Variants in ESRP1 observed in about 807,000 individuals in gnomAD.
The protein encoded by ESRP1 is RNA-binding motif protein 35A.
Under a neutral mutation model 81.7 loss-of-function variants are expected in ESRP1, and 33 were observed. The ratio of observed to expected loss-of-function variants is 0.40; its 90% CI spans 0.31 to 0.54. The LOEUF (loss-of-function observed/expected upper bound fraction) is 0.54, where lower values mean the gene tolerates loss of function less well. ESRP1 is among the 20% of genes least tolerant of loss of function. ESRP1 has a pLI of 0.41. For synonymous variants in ESRP1, 320 were observed against 303.3 expected, an observed-to-expected ratio of 1.06 and a Z score of -0.57; for missense variants, 672 against 833.1, an observed-to-expected ratio of 0.81 and a Z score of 2.38.
intron 13 of ESRP1, among the ~76,000 whole-genome samples, chr8:94,682,644 G>A (rs1258183310): frequency 1.3e-5 from 1 of 74,938 alleles, no homozygotes; most frequent in Non-Finnish European, 3.8e-5. Context: ...TGGGATTACA[G>A]GTGTGAGCCA....
intron 9 of ESRP1, among the ~76,000 whole-genome samples, chr8:94,665,531 A>T (rs1818975249): frequency 6.6e-6 from 1 of 152,182 alleles, no homozygotes; most frequent in African/African-American, 2.4e-5. Flanking sequence ...TCGCTCTGTC[A>T]CCCAAACTGG....
At chr8:94,650,656 A>G (rs1405209281) in intron 4 of ESRP1, among the ~76,000 whole-genome samples, 1 of 152,214 alleles carries the variant, frequency 6.6e-6, no homozygotes, top group Non-Finnish European at 1.5e-5. Flanking sequence ...TGCAAATATG[A>G]ATAGTGCTGT....
intron 14 of ESRP1, among the ~76,000 whole-genome samples, chr8:94,694,276 A>G (rs1036402059): frequency 1.7e-4 from 26 of 152,220 alleles, no homozygotes; most frequent in Admixed American, 1.3e-3. Context: ...CCTTACATAT[A>G]AATTAGTAAT....
intron 5 of ESRP1, 62 bp from the exon 6 acceptor site, chr8:94,662,439 T>G: frequency 6.4e-7 from 1 of 1,552,384 alleles, no homozygotes; most frequent in Non-Finnish European, 8.8e-7. Flanking sequence ...ATACTCAAAT[T>G]TCCTCCTACA....
chr8:94,651,266 A>G (rs1449295827), intron 4 of ESRP1, among the ~76,000 whole-genome samples: 4 of 134,508 alleles, frequency 3.0e-5, no homozygotes, highest in Non-Finnish European at 4.7e-5. Context: ...TTTTTTGGGC[A>G]AAGTCTCACT....
intron 4 of ESRP1, among the ~76,000 whole-genome samples, chr8:94,660,628 C>T (rs1315081047): frequency 7.1e-6 from 1 of 141,804 alleles, no homozygotes; most frequent in Admixed American, 7.5e-5. Context: ...ATTCCACCTG[C>T]TCGGGAGGCT....
intron 4 of ESRP1, among the ~76,000 whole-genome samples, chr8:94,652,239 C>T (rs370311379): frequency 6.6e-6 from 1 of 152,012 alleles, no homozygotes; most frequent in African/African-American, 2.4e-5. Context: ...CTGCCCTCCT[C>T]GGCTTCTCAA....
chr8:94,674,430 T>C lies in ESRP1; in HGVS notation c.1575T>C (p.Ala525=). Reference sequence around the variant, plus strand: ...ATGTTGAAGTCTTTCAGTGTTCAGCTGAGGAGATGAACTTTGTGTTAATGG... The same window carrying C: ...ATGTTGAAGTCTTTCAGTGTTCAGCCGAGGAGATGAACTTTGTGTTAATGG... ...DRYVEVFQCS[A]EEMNFVLMGG... Residue 525 remains alanine (A), a synonymous_variant, in exon 12 of 16, where the codon GCT becomes GCC. Transcript: ENST00000433389. The C allele has an allele frequency of 1.9e-6, 3 of 1,613,984 alleles. No individual in the cohort carries two copies. Among genetic ancestry groups the C allele is most frequent in the Non-Finnish European group, 2.5e-6 (3 of 1,179,886 alleles).
intron 13 of ESRP1, among the ~76,000 whole-genome samples, chr8:94,679,853 CCTT>C (rs1469727267): frequency 2.0e-5 from 3 of 151,974 alleles, no homozygotes; most frequent in African/African-American, 4.8e-5. Flanking sequence ...TCTAATCGTT[CCTT>C]CTTTCTTTTT....
chr8:94,665,022 A>C lies in ESRP1; in HGVS notation c.851A>C (p.Gln284Pro). ...VSEEHRDLALQRHKHHMGTRY... is the reference protein window; with the variant it reads ...VSEEHRDLALPRHKHHMGTRY... ...GAGGAGCACCGAGACCTAGCACTAC[A>C]GAGGCACAAACATCACATGGGGACC... Residue 284 changes from glutamine (Q) to proline (P), a missense_variant, in exon 8 of 16, where the codon CAG becomes CCG. Physicochemically the swap from Gln to Pro is moderately conservative, Grantham distance 76. Coordinates refer to ENST00000433389, the MANE Select transcript of ESRP1 (RefSeq NM_017697.4). 1.2e-6 allele frequency: 2 copies of C among 1,613,834 alleles called. No individual in the cohort carries two copies. Among genetic ancestry groups the C allele is most frequent in the Non-Finnish European group, 1.7e-6 (2 of 1,179,872 alleles).
chr8:94,675,150 A>T (rs763312470), intron 12 of ESRP1, among the ~76,000 whole-genome samples: 7 of 150,128 alleles, frequency 4.7e-5, no homozygotes, highest in Admixed American at 2.0e-4. Flanking sequence ...ATCCTATTTG[A>T]GGGGAATAAG....
intron 4 of ESRP1, among the ~76,000 whole-genome samples, chr8:94,654,007 G>A (rs549895732): frequency 3.3e-5 from 5 of 152,232 alleles, no homozygotes; most frequent in South Asian, 2.1e-4. Context: ...TGTTAATTAC[G>A]TGTGGTTTGT....
intron 1 of ESRP1, 138 bp from the exon 2 acceptor site, chr8:94,641,818 T>C: frequency 7.3e-7 from 1 of 1,362,914 alleles, no homozygotes; most frequent in Middle Eastern, 2.7e-4. Context: ...CCGGAACCGA[T>C]GGCGAGTCGA....
intron 4 of ESRP1, among the ~76,000 whole-genome samples, chr8:94,651,276 T>G (rs1818117341): frequency 6.9e-6 from 1 of 144,240 alleles, no homozygotes; most frequent in African/African-American, 2.7e-5. Flanking sequence ...AAAGTCTCAC[T>G]TTTGCTCAGG....
chr8:94,672,502 C>T (rs917851283), intron 11 of ESRP1, among the ~76,000 whole-genome samples: 1 of 151,902 alleles, frequency 6.6e-6, no homozygotes, highest in African/African-American at 2.4e-5. Flanking sequence ...TCTACAAACC[C>T]ATAAGCCAGG....
At chr8:94,652,735 A>T (rs1818207143) in intron 4 of ESRP1, among the ~76,000 whole-genome samples, 1 of 152,090 alleles carries the variant, frequency 6.6e-6, no homozygotes, top group South Asian at 2.1e-4. Context: ...ATTTATTAAG[A>T]TCTTATTTTT....
rs182105421 is a variant in ESRP1 at position 94,659,981 on chromosome 8, C to A, written c.491-2291C>A. ...GAGGAAGCTGCAGAAGAAAAGCTAG[C>A]AGAGATTGGTTTATGAGATTCAAGG... On this transcript the variant is annotated intron_variant, in intron 4 of 15. Coordinates refer to ENST00000433389, the MANE Select transcript of ESRP1 (RefSeq NM_017697.4). Among the ~76,000 whole-genome samples, 5 of 152,296 alleles carry A rather than the reference C, an allele frequency of 3.3e-5. No individual in the cohort carries two copies. In the East Asian group the frequency reaches 9.7e-4, roughly 29 times the overall value.
chr8:94,696,552 A>G (rs868295586), intron 14 of ESRP1, among the ~76,000 whole-genome samples: 14 of 152,198 alleles, frequency 9.2e-5, no homozygotes, highest in African/African-American at 3.4e-4. Context: ...TAGCATGAAA[A>G]CAGTACTAGG....
intron 3 of ESRP1, among the ~76,000 whole-genome samples, chr8:94,645,118 TAGGG>T (rs910194959): frequency 1.3e-5 from 2 of 152,154 alleles, no homozygotes; most frequent in African/African-American, 4.8e-5. Context: ...TTGTAGGTAA[TAGGG>T]AGGTTTCATG....
Sources: gnomAD v4.1 joint callset for allele counts (sites outside exome capture counted in the v4.1 genomes callset) on GRCh38, gnomAD v4.1.1 for gene constraint, MANE v1.5 for transcripts, NCBI Gene and HGNC (gene_info 2026-07-23, HGNC 2026-07-21) for gene names.